LINGO2: variants seen among roughly 807,000 people sequenced by gnomAD.
The protein encoded by LINGO2 is leucine-rich repeat and immunoglobulin-like domain-containing nogo receptor-interacting protein 2.
A neutral mutation model predicts 30.6 loss-of-function variants in LINGO2; 14 were observed. The ratio of observed to expected loss-of-function variants is 0.46; its 90% CI spans 0.30 to 0.72. The LOEUF (loss-of-function observed/expected upper bound fraction) is 0.72, where lower values mean the gene tolerates loss of function less well. Ranked by LOEUF, LINGO2 falls within the 30% of genes least tolerant of loss-of-function variation. The pLI is 0.07. For missense variants in LINGO2, 729 were observed against 751.7 expected (o/e 0.97, Z 0.35); for synonymous variants, 317 against 288.5 (o/e 1.10, Z -1.00).
intron 4 of LINGO2, among the ~76,000 whole-genome samples, chr9:28,251,792 A>C (rs755077076): frequency 1.6e-4 from 24 of 152,280 alleles, no homozygotes; most frequent in South Asian, 4.1e-4. Flanking sequence ...AAACTATTAC[A>C]TACAGGGAGG....
chr9:28,471,622 A>T (rs1253052987), intron 2 of LINGO2, among the ~76,000 whole-genome samples: 5 of 152,188 alleles, frequency 3.3e-5, no homozygotes, highest in African/African-American at 1.2e-4. Context: ...ATACCACAGT[A>T]TACCCAACAG....
intron 5 of LINGO2, among the ~76,000 whole-genome samples, chr9:27,973,016 A>G (rs528645510): frequency 2.0e-5 from 3 of 152,208 alleles, no homozygotes; most frequent in South Asian, 2.1e-4. Context: ...ATCTTCTCCT[A>G]TTCTCTGATA....
intron 1 of LINGO2, among the ~76,000 whole-genome samples, chr9:28,479,956 T>TATATATATATATATAC (rs1491144467): frequency 3.9e-4 from 41 of 105,020 alleles, no homozygotes; most frequent in East Asian, 8.8e-4. Flanking sequence ...TATATATATA[T>TATATATATATATATAC]GTACATTTTG....
chr9:28,780,343 A>G, the LINGO2 span, among the ~76,000 whole-genome samples: 1 of 113,254 alleles, frequency 8.8e-6, no homozygotes, highest in African/African-American at 2.6e-5. Context: ...TTTTGTGAGT[A>G]AAATTTTTTT....
intron 3 of LINGO2, among the ~76,000 whole-genome samples, chr9:28,317,019 C>G (rs1219564246): frequency 6.6e-6 from 1 of 152,098 alleles, no homozygotes; most frequent in East Asian, 1.9e-4. Flanking sequence ...CGTCATTATC[C>G]TTATGTTGAA....
chr9:28,486,680 T>C (rs1166082319), intron 1 of LINGO2, among the ~76,000 whole-genome samples: 3 of 150,602 alleles, frequency 2.0e-5, no homozygotes, highest in Non-Finnish European at 3.0e-5. Context: ...GCTCTCGTTC[T>C]ATGAGGCCTC....
At chr9:28,104,859 A>G (rs1408686585) in intron 4 of LINGO2, among the ~76,000 whole-genome samples, 1 of 152,142 alleles carries the variant, frequency 6.6e-6, no homozygotes, top group Non-Finnish European at 1.5e-5. Context: ...GAGAAGATAA[A>G]TACAGTATGG....
chr9:28,149,301 T>C, intron 4 of LINGO2: 1 of 579,952 alleles, frequency 1.7e-6, no homozygotes, highest in Non-Finnish European at 3.1e-6. Context: ...CTGAGGAGCA[T>C]CTCTGCCTGC....
the LINGO2 span, among the ~76,000 whole-genome samples, chr9:29,078,617 A>T: frequency 7.9e-5 from 12 of 151,924 alleles, no homozygotes; most frequent in Non-Finnish European, 1.8e-4. Flanking sequence ...TCAGTTCTCA[A>T]AGTGTGTTTC....
chr9:28,764,422 T>C, the LINGO2 span, among the ~76,000 whole-genome samples: 1 of 151,842 alleles, frequency 6.6e-6, no homozygotes, highest in Non-Finnish European at 1.5e-5. Flanking sequence ...ATCTTAATAA[T>C]TGCAGAAAAA....
At chr9:28,831,501 T>C in the LINGO2 span, among the ~76,000 whole-genome samples, 5 of 152,008 alleles carry the variant, frequency 3.3e-5, no homozygotes, top group African/African-American at 9.7e-5. Context: ...TGTTCTTGGT[T>C]AGTAGGTAGT....
intron 1 of LINGO2, among the ~76,000 whole-genome samples, chr9:28,652,713 A>G (rs1828159515): frequency 6.6e-6 from 1 of 151,936 alleles, no homozygotes; most frequent in Non-Finnish European, 1.5e-5. Flanking sequence ...AATCCCAGAA[A>G]AAAAAAGGAA....
chr9:28,794,807 A>G, the LINGO2 span, among the ~76,000 whole-genome samples: 3 of 151,716 alleles, frequency 2.0e-5, no homozygotes, highest in East Asian at 5.8e-4. Context: ...TTCAGGAATT[A>G]TAAATTTTTT....
the LINGO2 span, among the ~76,000 whole-genome samples, chr9:28,928,312 A>G: frequency 3.9e-5 from 6 of 152,216 alleles, no homozygotes; most frequent in Admixed American, 1.3e-4. Context: ...TCATGGAATA[A>G]ATTCTTTTAT....
the LINGO2 span, among the ~76,000 whole-genome samples, chr9:28,735,221 T>G: frequency 6.6e-6 from 1 of 152,116 alleles, no homozygotes; most frequent in Non-Finnish European, 1.5e-5. Flanking sequence ...GAGGAAACCC[T>G]CCTTTCTCTG....
the LINGO2 span, among the ~76,000 whole-genome samples, chr9:28,918,397 C>G: frequency 6.6e-6 from 1 of 152,196 alleles, no homozygotes; most frequent in African/African-American, 2.4e-5. Flanking sequence ...GGTGGGGACA[C>G]AGAGCCAAAC....
chr9:29,055,964 G>GTATATATA, the LINGO2 span, among the ~76,000 whole-genome samples: 2 of 134,138 alleles, frequency 1.5e-5, no homozygotes, highest in Admixed American at 7.4e-5. Flanking sequence ...ATATGTACAT[G>GTATATATA]TATATATGCA....
chr9:28,627,332 T>C (rs1587982508), intron 1 of LINGO2, among the ~76,000 whole-genome samples: 1 of 152,030 alleles, frequency 6.6e-6, no homozygotes, highest in African/African-American at 2.4e-5. Context: ...AGACAAATAA[T>C]ATTGTATAGA....
chr9:28,334,913 T>C (rs1032256500), intron 3 of LINGO2, among the ~76,000 whole-genome samples: 5 of 152,052 alleles, frequency 3.3e-5, no homozygotes, highest in Admixed American at 3.3e-4. Context: ...GCAGGGATAA[T>C]GAGACTTGTT....
Sources: allele counts gnomAD v4.1 joint callset (sites outside exome capture counted in the v4.1 genomes callset), GRCh38; gene constraint gnomAD v4.1.1; transcripts MANE v1.5; gene names NCBI Gene and HGNC (gene_info 2026-07-23, HGNC 2026-07-21).